The following ERICH1 variants were observed in gnomAD, a reference collection of about 807,000 sequenced individuals.
ERICH1 encodes the protein glutamate rich 1, also known as glutamate-rich protein 1.
Under a neutral mutation model 39.6 loss-of-function variants are expected in ERICH1, and 56 were observed. The ratio of observed to expected loss-of-function variants is 1.41; its 90% confidence interval spans 1.14 to 1.77. The LOEUF (loss-of-function observed/expected upper bound fraction) is 1.77. ERICH1 is among the 40% of genes most tolerant of loss of function. The pLI is 0.00. For synonymous variants in ERICH1, 313 were observed against 223.6 expected (o/e 1.40, Z -3.57); for missense variants, 826 against 575.4 (o/e 1.44, Z -4.45).
At chr8:624,353 A>T (rs1342346188) in intron 3 of ERICH1, among the ~76,000 whole-genome samples, 2 of 152,232 alleles carry the variant, frequency 1.3e-5, no homozygotes, top group African/African-American at 2.4e-5. Context: ...AACACAGTCC[A>T]GCAATTTCCC....
chr8:674,478 A>G lies in ERICH1; in HGVS notation c.305-431T>C, dbSNP rs566983384. ...CCACCATGCCCAGCTAATTTTTTTT[A>G]TTTTCAGTAGAGACGGGGTTTCGCC... On this transcript the variant is annotated intron_variant, in intron 3 of 5. Transcript: ENST00000262109. Among the ~76,000 whole-genome samples the G allele has an allele frequency of 1.2e-4, 18 of 151,492 alleles. No individual in the cohort carries two copies. The South Asian group carries it at 3.5e-3, about 30-fold the overall frequency.
intron 4 of ERICH1, chr8:672,211 G>C (rs540862677): frequency 6.6e-6 from 1 of 152,228 alleles, no homozygotes; most frequent in Non-Finnish European, 1.5e-5. Context: ...CAAGCTGCTC[G>C]ATCACACACA....
At chr8:699,955 G>A (rs571181670) in intron 2 of ERICH1, among the ~76,000 whole-genome samples, 409 of 36,256 alleles carry the variant, frequency 0.011, 4 homozygotes, top group African/African-American at 0.017. Flanking sequence ...ACGCGCACAG[G>A]CCCGCACACG....
At chr8:618,200 T>G (rs1463779623) in intron 3 of ERICH1, among the ~76,000 whole-genome samples, 2 of 151,010 alleles carry the variant, frequency 1.3e-5, no homozygotes, top group Admixed American at 6.6e-5. Context: ...GCCCTCTGAG[T>G]GCTAGGTACT....
chr8:650,875 T>C (rs886396546), intron 3 of ERICH1, among the ~76,000 whole-genome samples: 6 of 152,206 alleles, frequency 3.9e-5, no homozygotes, highest in African/African-American at 1.4e-4. Flanking sequence ...AGCCCTGGAG[T>C]GTGTTATCCC....
chr8:644,921 C>G (rs1799398610), intron 3 of ERICH1, among the ~76,000 whole-genome samples: 1 of 69,002 alleles, frequency 1.4e-5, no homozygotes, highest in Non-Finnish European at 4.6e-5. Flanking sequence ...GGCTGGGACC[C>G]GAACACACTG....
intron 2 of ERICH1, among the ~76,000 whole-genome samples, chr8:700,115 A>T (rs1383560087): frequency 7.1e-6 from 1 of 140,190 alleles, no homozygotes; most frequent in Admixed American, 7.0e-5. Context: ...ACACGCGCAC[A>T]CACCCTCACA....
intron 2 of ERICH1, 147 bp from the exon 3 acceptor site, chr8:692,759 T>C: frequency 1.0e-6 from 1 of 996,190 alleles, no homozygotes. Flanking sequence ...CTGTCATAAA[T>C]ACTGATTTTA....
chr8:637,726 TG>T, intron 3 of ERICH1: 1 of 152,426 alleles, frequency 6.6e-6, no homozygotes, highest in Non-Finnish European at 1.5e-5. Flanking sequence ...GGAGGAAAGC[TG>T]GGGGGCATCT....
chr8:703,805 G>T (rs1204521244), intron 2 of ERICH1, among the ~76,000 whole-genome samples: 1 of 152,204 alleles, frequency 6.6e-6, no homozygotes, highest in Admixed American at 6.5e-5. Flanking sequence ...GGATCTATTG[G>T]GAGACTCAAT....
chr8:699,461 C>G (rs1261289752), intron 2 of ERICH1, among the ~76,000 whole-genome samples: 1 of 152,188 alleles, frequency 6.6e-6, no homozygotes, highest in African/African-American at 2.4e-5. Flanking sequence ...AATCCAAGGA[C>G]AAGCACGAGC....
intron 3 of ERICH1, among the ~76,000 whole-genome samples, chr8:683,027 T>C (rs556595910): frequency 6.6e-6 from 1 of 152,324 alleles, no homozygotes; most frequent in African/African-American, 2.4e-5. Flanking sequence ...CTGAGTGTGT[T>C]GTTTGCCTAA....
At chr8:635,197 G>T (rs573715351) in intron 3 of ERICH1, among the ~76,000 whole-genome samples, 1 of 152,172 alleles carries the variant, frequency 6.6e-6, no homozygotes, top group African/African-American at 2.4e-5. Context: ...ACCCCCCGAG[G>T]ACAGGCCCCT....
At position 678,780 on chromosome 8, in the gene ERICH1, C is replaced by A. The variant is rs150989806; in HGVS notation, c.305-4733G>T. Among the ~76,000 whole-genome samples, 7 of 152,266 alleles carry A rather than the reference C, an allele frequency of 4.6e-5. No homozygotes were observed. The East Asian group carries it at 1.3e-3, about 29-fold the overall frequency. On this transcript the variant is annotated intron_variant, in intron 3 of 5. Transcript: ENST00000262109. ...CCCAGATTGCACCACTGCACTCCAG[C>A]CTGGGTGACAGCGCGAGACTCCATC...
At chr8:693,170 A>C (rs1339343351) in intron 2 of ERICH1, among the ~76,000 whole-genome samples, 1 of 152,098 alleles carries the variant, frequency 6.6e-6, no homozygotes, top group Non-Finnish European at 1.5e-5. Context: ...ATGCACAGCC[A>C]CAGACCACAC....
intron 2 of ERICH1, among the ~76,000 whole-genome samples, chr8:706,691 AC>A (rs1813359249): frequency 6.6e-6 from 1 of 152,148 alleles, no homozygotes; most frequent in South Asian, 2.1e-4. Flanking sequence ...AACTGCTTAA[AC>A]CCAGGAGGCG....
In ERICH1 at chr8:633,508, A is replaced by G. The variant is rs1238491359; in HGVS notation, c.977-18224T>C. Reference sequence around the variant, plus strand: ...AATATATCTTCCTGGGAGAATCTCAAGGATATTTCTCAGAGAAACAGAAAA... The same window carrying G: ...AATATATCTTCCTGGGAGAATCTCAGGGATATTTCTCAGAGAAACAGAAAA... On this transcript the variant is annotated intron_variant, in intron 3 of 3. Coordinates refer to the ERICH1 transcript ENST00000522706. Among the ~76,000 whole-genome samples, 4 of 152,248 alleles carry G rather than the reference A, an allele frequency of 2.6e-5. No individual in the cohort carries two copies. The East Asian group carries it at 7.7e-4, about 29-fold the overall frequency.
chr8:636,529 G>A (rs1584982867), intron 3 of ERICH1, among the ~76,000 whole-genome samples: 2 of 152,252 alleles, frequency 1.3e-5, no homozygotes, highest in African/African-American at 4.8e-5. Flanking sequence ...GGGCCCAACA[G>A]AGTCTCCTCA....
At chr8:631,025 C>T (rs1798002378) in intron 3 of ERICH1, among the ~76,000 whole-genome samples, 2 of 151,592 alleles carry the variant, frequency 1.3e-5, no homozygotes, top group Admixed American at 6.6e-5. Context: ...AGCTGACTCA[C>T]ACCCTCCCGT....
Sources: allele counts gnomAD v4.1 joint callset (sites outside exome capture counted in the v4.1 genomes callset), GRCh38; gene constraint gnomAD v4.1.1; transcripts MANE v1.5; gene names NCBI Gene and HGNC (gene_info 2026-07-23, HGNC 2026-07-21).